SMYD2: variants seen among roughly 807,000 people sequenced by gnomAD.
The protein encoded by SMYD2 is SET and MYND domain containing 2, also known as N-lysine methyltransferase SMYD2.
In SMYD2, 53 loss-of-function variants were observed where a neutral mutation model predicts 59.1. The observed-to-expected ratio is 0.90, with a 90% CI of 0.72 to 1.13. SMYD2 has a LOEUF of 1.13. Ranked by LOEUF, SMYD2 falls within the 50% of genes most tolerant of loss-of-function variation. The probability of loss-of-function intolerance (pLI) is 0.00; values close to 1 mark genes in which losing one functional copy is unlikely to be tolerated. For missense variants in SMYD2, 494 were observed against 544.7 expected, an observed-to-expected ratio of 0.91 and a Z score of 0.93; for synonymous variants, 208 against 198.8, an observed-to-expected ratio of 1.05 and a Z score of -0.39.
chr1:214,315,213 G>A (rs763320061), intron 3 of SMYD2, among the ~76,000 whole-genome samples: 115 of 152,220 alleles, frequency 7.6e-4, no homozygotes, highest in Non-Finnish European at 1.5e-3. Context: ...GGTCTGAGCA[G>A]CTTTGAGATT....
Position 214,330,858 on chromosome 1 carries a change from G to A in SMYD2, c.817-92G>A, listed in dbSNP as rs572578255. On this transcript the variant is annotated intron_variant, in intron 8 of 11. Coordinates refer to ENST00000366957, the MANE Select transcript of SMYD2 (RefSeq NM_020197.3). ...ACCTTGGAATGGGCCAGTGTCGACC[G>A]CTGTGTGGGAATGTGTATTATATGA... 385 of 1,576,086 alleles carry A rather than the reference G, an allele frequency of 2.4e-4. No individual in the cohort carries two copies. In the Middle Eastern group the frequency reaches 4.6e-3, roughly 19 times the overall value.
chr1:214,324,184 G>A lies in SMYD2; in HGVS notation c.535-457G>A, dbSNP rs374704949. On this transcript the variant is annotated intron_variant, in intron 5 of 11. Transcript: ENST00000366957. Reference sequence around the variant, plus strand: ...ACTCCCGACCTCAGGTGATCTGCCCGCCTCAGCTTCCTAAAGTGCTGAGAT... The same window carrying A: ...ACTCCCGACCTCAGGTGATCTGCCCACCTCAGCTTCCTAAAGTGCTGAGAT... Among the ~76,000 whole-genome samples the A allele has an allele frequency of 1.7e-3, 265 of 152,178 alleles. 14 individuals carry two copies. In the South Asian group the frequency reaches 0.049, roughly 28 times the overall value.
At chr1:214,287,617 G>A (rs1656572040) in intron 1 of SMYD2, among the ~76,000 whole-genome samples, 1 of 146,158 alleles carries the variant, frequency 6.8e-6, no homozygotes, top group Non-Finnish European at 1.5e-5. Flanking sequence ...AAGATGGCCT[G>A]TTGACCCATA....
chr1:214,292,276 G>T (rs1484144156), intron 1 of SMYD2, among the ~76,000 whole-genome samples: 2 of 152,074 alleles, frequency 1.3e-5, no homozygotes, highest in East Asian at 3.9e-4. Flanking sequence ...TTTCACTCTG[G>T]TCATCCTAAA....
At chr1:214,321,741 A>T (rs565077501) in intron 5 of SMYD2, among the ~76,000 whole-genome samples, 133 of 152,364 alleles carry the variant, frequency 8.7e-4, no homozygotes, top group Middle Eastern at 6.8e-3. Context: ...AATGCTAATT[A>T]TGAGAATAGC....
At chr1:214,321,385 G>T (rs1657169838) in intron 5 of SMYD2, among the ~76,000 whole-genome samples, 1 of 151,006 alleles carries the variant, frequency 6.6e-6, no homozygotes, top group Non-Finnish European at 1.5e-5. Flanking sequence ...GAGATTATTT[G>T]TGTTCACACA....
chr1:214,334,323 C>T lies in SMYD2; in HGVS notation c.1221+15C>T, dbSNP rs774103669. The T allele has an allele frequency of 6.8e-6, 11 of 1,610,140 alleles. No individual in the cohort carries two copies. The highest frequency in any genetic ancestry group is 5.0e-5 in the Admixed American group (3 of 59,996). ...CCCTGAAGAAGGTATGTCTGTAACT[C>T]GGCCTTAGGATTCCCAGTGGCCAGA... On this transcript the variant is annotated intron_variant, in intron 11 of 11. Transcript: ENST00000366957.
chr1:214,334,291 G>A lies in SMYD2; in HGVS notation c.1204G>A (p.Glu402Lys), dbSNP rs745995313. 1.1e-5 allele frequency: 17 copies of A among 1,613,528 alleles called. No individual in the cohort carries two copies. Among genetic ancestry groups the A allele is most frequent in the Non-Finnish European group, 1.4e-5 (17 of 1,180,036 alleles). The change falls in exon 11 of 12, where the codon GAG (glutamate) becomes AAG (lysine). Residue 402 changes from glutamate (E) to lysine (K), a missense_variant. Coordinates refer to ENST00000366957, the MANE Select transcript of SMYD2 (RefSeq NM_020197.3). ...YMGLEHKAAG[E>K]KALKKAIAIM... ...GGGCCTGGAACACAAAGCCGCAGGG[G>A]AGAAAGCCCTGAAGAAGGTATGTCT...
chr1:214,319,643 CA>C (rs1657138831), intron 5 of SMYD2, among the ~76,000 whole-genome samples: 1 of 152,238 alleles, frequency 6.6e-6, no homozygotes, highest in Non-Finnish European at 1.5e-5. Context: ...GACGAGAGAA[CA>C]AAGGGTGCAG....
chr1:214,327,058 G>T (rs1482483764), intron 6 of SMYD2, among the ~76,000 whole-genome samples: 2 of 152,262 alleles, frequency 1.3e-5, no homozygotes, highest in Non-Finnish European at 2.9e-5. Context: ...CTGAAAAGCA[G>T]ACAGTGAGCA....
At position 214,318,930 on chromosome 1, in the gene SMYD2, T is replaced by A; in HGVS notation, c.481T>A (p.Ser161Thr). ...SDIAALHHFYSKHLGFPDNDS... is the reference protein window; with the variant it reads ...SDIAALHHFYTKHLGFPDNDS... ...CATAGCTGCTCTCCATCACTTTTAC[T>A]CCAAGCATCTCGGATTCCCTGACAA... is the stretch of plus-strand genomic sequence containing the variant. The change falls in exon 5 of 12, where the codon TCC becomes ACC. Residue 161 changes from serine to threonine, a missense_variant. Coordinates refer to ENST00000366957, the MANE Select transcript of SMYD2 (RefSeq NM_020197.3). This position sits in a 1 kb window ranked among gnomAD's most constrained non-coding sequence, Gnocchi z 5.4. 6.2e-7 allele frequency: 1 copy of A among 1,614,088 alleles called. No individual in the cohort carries two copies. Among genetic ancestry groups the A allele is most frequent in the Non-Finnish European group, 8.5e-7 (1 of 1,179,982 alleles).
chr1:214,320,349 A>G (rs1657153977), intron 5 of SMYD2, among the ~76,000 whole-genome samples: 1 of 152,244 alleles, frequency 6.6e-6, no homozygotes, highest in Non-Finnish European at 1.5e-5. Flanking sequence ...AGTTGTGGAA[A>G]AATTTAGGCT....
At chr1:214,302,714 A>G (rs1656845776) in intron 1 of SMYD2, among the ~76,000 whole-genome samples, 1 of 152,132 alleles carries the variant, frequency 6.6e-6, no homozygotes, top group Non-Finnish European at 1.5e-5. Context: ...ATGAACTCTC[A>G]CTAGAGTTCT....
chr1:214,314,531 A>G lies in SMYD2; in HGVS notation c.238-231A>G, dbSNP rs189369196. On this transcript the variant is annotated intron_variant, in intron 2 of 11. Coordinates refer to ENST00000366957, the MANE Select transcript of SMYD2 (RefSeq NM_020197.3). ...TGAGGTGCTTGAGGAAAAAACACAA[A>G]GTAGATCTTCTCATCCCAACAAGCT... Among the ~76,000 whole-genome samples the G allele has an allele frequency of 3.1e-3, 466 of 152,302 alleles. 4 individuals are homozygous for G. The highest frequency in any genetic ancestry group is 0.01 in the African/African-American group (425 of 41,552).
intron 1 of SMYD2, among the ~76,000 whole-genome samples, chr1:214,292,200 C>T (rs1656646771): frequency 6.6e-6 from 1 of 152,004 alleles, no homozygotes; most frequent in East Asian, 1.9e-4. Flanking sequence ...TCGGGGCTTC[C>T]TGATGGACAC....
intron 1 of SMYD2, among the ~76,000 whole-genome samples, chr1:214,301,968 G>A (rs928627661): frequency 1.3e-5 from 2 of 152,176 alleles, no homozygotes; most frequent in African/African-American, 4.8e-5. Flanking sequence ...ATTTAGTAAA[G>A]TTAATATTCA....
chr1:214,302,509 C>T (rs1656842642), intron 1 of SMYD2, among the ~76,000 whole-genome samples: 1 of 152,144 alleles, frequency 6.6e-6, no homozygotes, highest in Non-Finnish European at 1.5e-5. Flanking sequence ...TCACCAACTC[C>T]CTGAAAGGGT....
At chr1:214,308,667 C>T (rs187101043) in intron 2 of SMYD2, among the ~76,000 whole-genome samples, 1 of 152,154 alleles carries the variant, frequency 6.6e-6, no homozygotes. Context: ...GCCCTACCCC[C>T]CTGGAGTCAT....
chr1:214,301,639 C>T (rs1317817770), intron 1 of SMYD2, among the ~76,000 whole-genome samples: 1 of 152,060 alleles, frequency 6.6e-6, no homozygotes, highest in Non-Finnish European at 1.5e-5. Context: ...CTTGAAAACT[C>T]AAATTTTATC....
Sources: allele counts gnomAD v4.1 joint callset (sites outside exome capture counted in the v4.1 genomes callset), GRCh38; gene constraint gnomAD v4.1.1; non-coding constraint Gnocchi (gnomAD v3.1); transcripts MANE v1.5; gene names NCBI Gene and HGNC (gene_info 2026-07-23, HGNC 2026-07-21).